Variants in RIMS2 observed in about 807,000 individuals in gnomAD.
RIMS2 encodes regulating synaptic membrane exocytosis 2, also known as regulating synaptic membrane exocytosis protein 2.
RIMS2 carries 59 observed loss-of-function variants against 174.4 expected under a neutral mutation model. That is an observed-to-expected ratio of 0.34 (90% CI 0.27 to 0.42). The LOEUF (loss-of-function observed/expected upper bound fraction) is 0.42, where lower values mean the gene tolerates loss of function less well. Ranked by LOEUF, RIMS2 falls within the 10% of genes least tolerant of loss-of-function variation. The pLI is 1.00. For missense variants in RIMS2, 1,620 were observed against 1,666.3 expected, an observed-to-expected ratio of 0.97 and a Z score of 0.48; for synonymous variants, 606 against 572.5, an observed-to-expected ratio of 1.06 and a Z score of -0.84.
intron 19 of RIMS2, among the ~76,000 whole-genome samples, chr8:104,122,118 T>G (rs1364715687): frequency 6.6e-6 from 1 of 152,080 alleles, no homozygotes; most frequent in Non-Finnish European, 1.5e-5. Flanking sequence ...GGTGACAGTG[T>G]GTGTCAGTCA....
At chr8:103,918,134 T>C (rs1444242981) in intron 8 of RIMS2, among the ~76,000 whole-genome samples, 1 of 152,186 alleles carries the variant, frequency 6.6e-6, no homozygotes. Context: ...CTTATCTTGT[T>C]GAATGCAAAT....
At chr8:103,859,992 G>T (rs773007765) in intron 3 of RIMS2, among the ~76,000 whole-genome samples, 4 of 152,020 alleles carry the variant, frequency 2.6e-5, no homozygotes, top group African/African-American at 9.7e-5. Context: ...GTGCCAGAAG[G>T]GGAGGAAAAT....
chr8:103,822,343 C>G (rs75002826), intron 3 of RIMS2, among the ~76,000 whole-genome samples: 4 of 151,726 alleles, frequency 2.6e-5, no homozygotes, highest in Non-Finnish European at 5.9e-5. Flanking sequence ...TGATGAAAAT[C>G]TTCCATAACA....
chr8:103,635,034 A>T (rs1240392162), intron 1 of RIMS2, among the ~76,000 whole-genome samples: 1 of 152,076 alleles, frequency 6.6e-6, no homozygotes, highest in African/African-American at 2.4e-5. Flanking sequence ...TAGTATTGCT[A>T]TATGTGGATT....
intron 1 of RIMS2, among the ~76,000 whole-genome samples, chr8:103,632,877 G>T (rs1488849611): frequency 6.6e-6 from 1 of 151,214 alleles, no homozygotes; most frequent in Non-Finnish European, 1.5e-5. Context: ...GGGACTACAG[G>T]CACCCGCCAC....
chr8:104,245,002 C>G, exon 20 of RIMS2: 1 of 1,613,808 alleles, frequency 6.2e-7, no homozygotes, highest in South Asian at 1.1e-5. Context: ...GATGACTCGA[C>G]AGGCAAGCCG....
chr8:104,122,549 G>C (rs1181940636), intron 19 of RIMS2, among the ~76,000 whole-genome samples: 1 of 152,082 alleles, frequency 6.6e-6, no homozygotes, highest in African/African-American at 2.4e-5. Context: ...AAAAAAGTTT[G>C]GGATGTCAAT....
At chr8:104,043,109 G>A (rs919351825) in intron 19 of RIMS2, among the ~76,000 whole-genome samples, 11 of 151,568 alleles carry the variant, frequency 7.3e-5, no homozygotes, top group Non-Finnish European at 1.3e-4. Flanking sequence ...GTTGTTAAAT[G>A]GTAGAACTAG....
At chr8:103,539,416 G>T (rs1841463625) in intron 1 of RIMS2, among the ~76,000 whole-genome samples, 1 of 152,058 alleles carries the variant, frequency 6.6e-6, no homozygotes, top group Non-Finnish European at 1.5e-5. Context: ...GCCTGAGAGG[G>T]CTCAAGGGCC....
At chr8:103,749,447 T>C (rs2097859473) in intron 2 of RIMS2, among the ~76,000 whole-genome samples, 1 of 152,144 alleles carries the variant, frequency 6.6e-6, no homozygotes, top group African/African-American at 2.4e-5. Context: ...CTCTCTTTCT[T>C]TTCATTTTTT....
Position 104,181,859 on chromosome 8 carries a change from A to G in RIMS2, c.3335-63057A>G, listed in dbSNP as rs191563019. On this transcript the variant is annotated intron_variant, in intron 19 of 23. Coordinates refer to ENST00000504942, the Ensembl canonical transcript of RIMS2. The stretch of plus-strand genomic sequence containing the variant: ...TATTTCTGAAGGAATATTTATGTTT[A>G]CATAGCCTTTTATTTCCCCTTAAAA... 2.5e-4 allele frequency among the ~76,000 whole-genome samples: 38 copies of G among 151,846 alleles called. 2 individuals carry two copies. The highest frequency in any genetic ancestry group is 2.4e-3 in the Admixed American group (37 of 15,204).
chr8:103,937,995 C>T (rs1203835945), intron 13 of RIMS2, among the ~76,000 whole-genome samples: 2 of 152,264 alleles, frequency 1.3e-5, no homozygotes, highest in Non-Finnish European at 2.9e-5. Context: ...GCTACAGGCA[C>T]CCACCCCCAT....
chr8:104,089,368 A>G (rs1393096552), intron 19 of RIMS2, among the ~76,000 whole-genome samples: 2 of 151,840 alleles, frequency 1.3e-5, no homozygotes, highest in Admixed American at 1.3e-4. Flanking sequence ...TTTGTTTATC[A>G]TATTTTAGGA....
intron 17 of RIMS2, among the ~76,000 whole-genome samples, chr8:104,005,785 T>C (rs1188855816): frequency 6.6e-6 from 1 of 152,098 alleles, no homozygotes; most frequent in African/African-American, 2.4e-5. Flanking sequence ...TGAGGGCTGC[T>C]ATGAAGTTTG....
chr8:103,605,688 G>A (rs919564580), intron 1 of RIMS2, among the ~76,000 whole-genome samples: 1 of 152,156 alleles, frequency 6.6e-6, no homozygotes. Flanking sequence ...TCCTGTTATT[G>A]ATCTGTTCAG....
intron 19 of RIMS2, chr8:104,223,203 G>C (rs755101867): frequency 5.8e-5 from 10 of 173,612 alleles, no homozygotes; most frequent in African/African-American, 2.1e-4. Context: ...GCAGCTGCCC[G>C]GGACCTGAGG....
At chr8:103,910,651 T>C in intron 5 of RIMS2, 122 bp downstream of exon 8, 1 of 576,538 alleles carries the variant, frequency 1.7e-6, no homozygotes, top group Admixed American at 3.4e-5. Flanking sequence ...GTAGCATTTC[T>C]TAAGGTGCAG....
chr8:103,669,227 A>G (rs2096714138), intron 1 of RIMS2, among the ~76,000 whole-genome samples: 1 of 152,168 alleles, frequency 6.6e-6, no homozygotes, highest in Non-Finnish European at 1.5e-5. Flanking sequence ...CGTGAGACTT[A>G]TTCATTACCA....
intron 1 of RIMS2, among the ~76,000 whole-genome samples, chr8:103,628,213 T>C (rs2095832082): frequency 6.6e-6 from 1 of 152,166 alleles, no homozygotes; most frequent in Admixed American, 6.5e-5. Flanking sequence ...CACTTTATTT[T>C]CTCTACTAAT....
Sources: allele counts gnomAD v4.1 joint callset (sites outside exome capture counted in the v4.1 genomes callset), GRCh38; gene constraint gnomAD v4.1.1; transcripts MANE v1.5; gene names NCBI Gene and HGNC (gene_info 2026-07-23, HGNC 2026-07-21).